The following SLITRK5 variants were observed in gnomAD, a reference collection of about 807,000 sequenced individuals.
SLITRK5 encodes the protein SLIT and NTRK like family member 5.
SLITRK5 carries 23 observed loss-of-function variants against 56.2 expected under a neutral mutation model. That is an observed-to-expected ratio of 0.41 (90% CI 0.29 to 0.58). The LOEUF (loss-of-function observed/expected upper bound fraction) is 0.58, where lower values mean the gene tolerates loss of function less well. Ranked by LOEUF, SLITRK5 falls within the 20% of genes least tolerant of loss-of-function variation. The pLI, the probability that SLITRK5 is intolerant of heterozygous loss-of-function variation, is 0.30. For synonymous variants in SLITRK5, 637 were observed against 531.8 expected (o/e 1.20, Z -2.72); for missense variants, 1,289 against 1,226.6 (o/e 1.05, Z -0.76).
Position 87,675,407 on chromosome 13 carries a change from C to G in SLITRK5, c.19C>G (p.Pro7Ala). The G allele has an allele frequency of 2.5e-6, 4 of 1,613,944 alleles. No homozygotes were observed. The highest frequency in any genetic ancestry group is 3.4e-6 in the Non-Finnish European group (4 of 1,179,840). MHTCCP[P>A]VTLEQDLHRK... is the part of the protein sequence containing the mutation. ...AGGTAAAATGCACACTTGCTGCCCC[C>G]CAGTAACTTTGGAACAGGACCTTCA... is the stretch of plus-strand genomic sequence containing the variant. Residue 7 changes from proline (P) to alanine (A), a missense_variant, in exon 2 of 2, where the codon CCA (proline) becomes GCA (alanine). This residue lies in a region of SLITRK5 where 291 missense variants were observed against 286.7 expected (regional missense o/e 1.02). Coordinates refer to ENST00000683689, the MANE Select transcript of SLITRK5 (RefSeq NM_001384609.1).
chr13:87,673,547 T>TGATCCAGCG, intron 1 of SLITRK5: 1 of 1,282,100 alleles, frequency 7.8e-7, no homozygotes, highest in Non-Finnish European at 1.0e-6. Context: ...TGTGCGGATT[T>TGATCCAGCG]GATCCAGCGG....
rs1174712095 is a variant in SLITRK5 at position 87,677,493 on chromosome 13, C to T, written c.2105C>T (p.Thr702Ile). The change falls in exon 2 of 2, where the codon ACC becomes ATC. Residue 702 changes from threonine to isoleucine, a missense_variant. By Grantham distance (89) the Thr-to-Ile change is moderately conservative (BLOSUM62 -1). Transcript: ENST00000683689. The surrounding 1 kb of genome is among the most constrained non-coding windows in gnomAD (Gnocchi z 4.7). ...RKKNQSDHTSTNNSDVSSFNM... is the reference protein window; with the variant it reads ...RKKNQSDHTSINNSDVSSFNM... ...AAGAACCAGAGCGACCACACCAGCA[C>T]CAACAACTCCGACGTGAGCTCCTTT... The T allele has an allele frequency of 1.2e-6, 2 of 1,611,814 alleles. No homozygotes were observed. The highest frequency in any genetic ancestry group is 4.5e-5 in the East Asian group (2 of 44,846).
rs1455000324 is a variant in SLITRK5, at chr13:87,676,299, G to C, written c.911G>C (p.Gly304Ala). The change falls in exon 2 of 2, where the codon GGG (glycine) becomes GCG (alanine). Residue 304 changes from glycine (G) to alanine (A), a missense_variant. By Grantham distance (60) the Gly-to-Ala change is moderately conservative (BLOSUM62 0). This residue lies in a region of SLITRK5 where 985 missense variants were observed against 906.0 expected (regional missense o/e 1.09). Coordinates refer to ENST00000683689, the MANE Select transcript of SLITRK5 (RefSeq NM_001384609.1). ...CCGCAGACGCCTTTGAGCACCACGGGGTATTTACACACCACCCCGGCGTCA... is the reference window on the plus strand; with the variant it reads ...CCGCAGACGCCTTTGAGCACCACGGCGTATTTACACACCACCCCGGCGTCA... ...MRPQTPLSTTGYLHTTPASVN... is the reference protein window; with the variant it reads ...MRPQTPLSTTAYLHTTPASVN... 6.2e-7 allele frequency: 1 copy of C among 1,613,874 alleles called. No individual in the cohort carries two copies. Among genetic ancestry groups the C allele is most frequent in the East Asian group, 2.2e-5 (1 of 44,844 alleles).
rs1395440084 is a variant in SLITRK5 at position 87,677,325 on chromosome 13, C to T, written c.1937C>T (p.Thr646Ile). ...ACTCCTGCGGTCCGGTTGAATAGCA[C>T]CGGGGCCCCCGCGAGCTTGGGCGCA... ...AVTPAVRLNS[T>I]GAPASLGAGG... Residue 646 changes from threonine (T) to isoleucine (I), a missense_variant, in exon 2 of 2, where the codon ACC (threonine) becomes ATC (isoleucine). Thr to Ile is a moderately conservative substitution (Grantham distance 89). Around this residue, in one of 3 missense-constraint regions of SLITRK5, gnomAD observed 985 missense variants for 906.0 expected, o/e 1.09. Transcript: ENST00000683689. The surrounding 1 kb of genome is among the most constrained non-coding windows in gnomAD (Gnocchi z 4.7). 2 of 1,614,120 alleles carry T rather than the reference C, an allele frequency of 1.2e-6. No homozygotes were observed. The highest frequency in any genetic ancestry group is 1.7e-6 in the Non-Finnish European group (2 of 1,180,022).
At chr13:87,674,825 T>A (rs956513379) in intron 1 of SLITRK5, among the ~76,000 whole-genome samples, 2 of 152,068 alleles carry the variant, frequency 1.3e-5, no homozygotes, top group African/African-American at 4.8e-5. Flanking sequence ...CTGAAAAGTA[T>A]CCTTTAGGTT....
chr13:87,671,745 T>C lies in SLITRK5; in HGVS notation c.-473T>C, dbSNP rs1386302915. 1.3e-5 allele frequency among the ~76,000 whole-genome samples: 2 copies of C among 151,762 alleles called. No individual in the cohort carries two copies. The highest frequency in any genetic ancestry group is 2.9e-5 in the Non-Finnish European group (2 of 67,952). On this transcript the variant is annotated 5_prime_UTR_variant, in exon 1 of 2. It removes an upstream start codon present in the reference 5' UTR. Transcript: ENST00000683689. ...AAAAACCCTGCAAACACCGTGAGGA[T>C]GAAACTGCCAAAGGGATGCAAGAGC...
At chr13:87,674,169 G>C (rs577251257) in intron 1 of SLITRK5, among the ~76,000 whole-genome samples, 244 of 152,274 alleles carry the variant, frequency 1.6e-3, no homozygotes, top group African/African-American at 5.6e-3. Context: ...ATTGATTCCT[G>C]TGGGAGATGA....
intron 1 of SLITRK5, among the ~76,000 whole-genome samples, chr13:87,673,062 G>C (rs1877112231): frequency 6.6e-6 from 1 of 151,716 alleles, no homozygotes; most frequent in African/African-American, 2.4e-5. Flanking sequence ...AGCTGTGCCC[G>C]GAGCCTCCGG....
chr13:87,674,333 A>AT, intron 1 of SLITRK5: 1 of 931,374 alleles, frequency 1.1e-6, no homozygotes. Context: ...AACTCCAAAG[A>AT]TGGGGATGCT....
chr13:87,673,428 A>G (rs1186784934), intron 1 of SLITRK5: 3 of 513,710 alleles, frequency 5.8e-6, no homozygotes, highest in Admixed American at 2.4e-5. Flanking sequence ...GCTGGAGTTT[A>G]ATACTGGCTG....
intron 1 of SLITRK5, among the ~76,000 whole-genome samples, chr13:87,673,809 G>A (rs1877151124): frequency 6.6e-6 from 1 of 152,108 alleles, no homozygotes; most frequent in Admixed American, 6.6e-5. Flanking sequence ...GGGATCAGGA[G>A]CAAGGTCTCC....
chr13:87,675,605 C>A lies in SLITRK5; in HGVS notation c.217C>A (p.Leu73Ile), dbSNP rs764307377. The change falls in exon 2 of 2, where the codon CTC (leucine) becomes ATC (isoleucine). Residue 73 changes from leucine (L) to isoleucine (I), a missense_variant. This residue lies in a region of SLITRK5 where 291 missense variants were observed against 286.7 expected (regional missense o/e 1.02). Coordinates refer to ENST00000683689, the MANE Select transcript of SLITRK5 (RefSeq NM_001384609.1). ...CTGTGAAAACCGGGGGATCATCAGT[C>A]TCTCTGAAATTAGCCCTCCCCGTTT... Reference protein sequence around the residue: ...VSCENRGIISLSEISPPRFPI... With the variant: ...VSCENRGIISISEISPPRFPI... 1.2e-6 allele frequency: 2 copies of A among 1,614,190 alleles called. No individual in the cohort carries two copies. Among genetic ancestry groups the A allele is most frequent in the Non-Finnish European group, 1.7e-6 (2 of 1,180,036 alleles).
intron 1 of SLITRK5, among the ~76,000 whole-genome samples, chr13:87,674,729 T>C (rs1031381578): frequency 6.6e-6 from 1 of 152,174 alleles, no homozygotes; most frequent in Non-Finnish European, 1.5e-5. Context: ...TCCTTTTTTC[T>C]CCTTACTCAA....
chr13:87,674,389 T>C, intron 1 of SLITRK5: 1 of 985,292 alleles, frequency 1.0e-6, no homozygotes, highest in Non-Finnish European at 1.2e-6. Flanking sequence ...CCGTTGCAAA[T>C]AGACGCGGAG....
Position 87,671,753 on chromosome 13 carries a change from C to T in SLITRK5, c.-465C>T, listed in dbSNP as rs1877034055. On this transcript the variant is annotated 5_prime_UTR_variant, in exon 1 of 2. Transcript: ENST00000683689. ...TGCAAACACCGTGAGGATGAAACTG[C>T]CAAAGGGATGCAAGAGCCTCTCAAA... is the stretch of plus-strand genomic sequence containing the variant. Among the ~76,000 whole-genome samples the T allele has an allele frequency of 6.6e-6, 1 of 152,096 alleles. No homozygotes were observed. Among genetic ancestry groups the T allele is most frequent in the South Asian group, 2.1e-4 (1 of 4,828 alleles).
chr13:87,676,792 G>C lies in SLITRK5; in HGVS notation c.1404G>C (p.Arg468Ser). ...GGCGCCTCTACCTGAATGGCAACAG[G>C]ATCGAGAGGCTGAGCCCGGAGTTAT... is the stretch of plus-strand genomic sequence containing the variant. ...NLRRLYLNGNRIERLSPELFY... is the reference protein window; with the variant it reads ...NLRRLYLNGNSIERLSPELFY... Residue 468 changes from arginine to serine, a missense_variant, in exon 2 of 2, where the codon AGG (arginine) becomes AGC (serine). Arg to Ser is a moderately radical substitution (Grantham distance 110, BLOSUM62 -1). Coordinates refer to ENST00000683689, the MANE Select transcript of SLITRK5 (RefSeq NM_001384609.1). The C allele has an allele frequency of 1.5e-5, 24 of 1,614,084 alleles. No homozygotes were observed. The highest frequency in any genetic ancestry group is 2.0e-5 in the Non-Finnish European group (24 of 1,180,026).
rs764890379 is a variant in SLITRK5, at chr13:87,676,162, G to T, written c.774G>T (p.Leu258=). The change falls in exon 2 of 2, where the codon CTG becomes CTT. Residue 258 remains leucine, a synonymous_variant. Coordinates refer to ENST00000683689, the MANE Select transcript of SLITRK5 (RefSeq NM_001384609.1). ...DWLDSISYSA[L]VGDVVCETPF... ...TGGACAGCATCTCCTATTCAGCCCT[G>T]GTGGGGGATGTAGTTTGTGAGACCC... The T allele has an allele frequency of 1.2e-6, 2 of 1,614,070 alleles. No homozygotes were observed. The highest frequency in any genetic ancestry group is 4.5e-5 in the East Asian group (2 of 44,826).
rs376909641 is a variant in SLITRK5 at position 87,676,468 on chromosome 13, C to G, written c.1080C>G (p.Pro360=). Residue 360 remains proline, a synonymous_variant, in exon 2 of 2, where the codon CCC becomes CCG. Coordinates refer to ENST00000683689, the MANE Select transcript of SLITRK5 (RefSeq NM_001384609.1). ...SKDLGYSNYG[P]SIAYQTKSPV... is the part of the protein sequence containing the mutation. ...ACTTGGGCTACAGCAACTATGGCCC[C>G]AGCATCGCCTATCAGACCAAATCCC... 1.9e-5 allele frequency: 31 copies of G among 1,614,100 alleles called. No homozygotes were observed. In the African/African-American group the frequency reaches 3.7e-4, roughly 19 times the overall value.
chr13:87,679,147 G>A lies in SLITRK5; in HGVS notation c.*882G>A, dbSNP rs1877432567. ...TCATTCAAAATGTGGAGAATTTAAT[G>A]GCTAAATCTTTAAAAGCCAATGCAA... On this transcript the variant is annotated 3_prime_UTR_variant, in exon 2 of 2. Transcript: ENST00000683689. The A allele has an allele frequency of 6.0e-6, 1 of 166,780 alleles. No individual in the cohort carries two copies. The highest frequency in any genetic ancestry group is 6.6e-5 in the Admixed American group (1 of 15,258). The allele number at this position is 166,780 out of a possible 1,614,324, so 10.3% of individuals were successfully genotyped here.
Sources: allele counts gnomAD v4.1 joint callset (sites outside exome capture counted in the v4.1 genomes callset), GRCh38; gene constraint gnomAD v4.1.1; regional missense constraint gnomAD v4.1.1; non-coding constraint Gnocchi (gnomAD v3.1); transcripts MANE v1.5; gene names NCBI Gene and HGNC (gene_info 2026-07-23, HGNC 2026-07-21).